Variants in CBX1 observed in about 807,000 individuals in gnomAD.
CBX1 encodes chromobox 1.
In CBX1, 10 loss-of-function variants were observed where a neutral mutation model predicts 25.1. That is an observed-to-expected ratio of 0.40 (90% CI 0.25 to 0.68). The LOEUF is 0.68. Among genes scored for constraint, CBX1 ranks in the 30% least tolerant of loss-of-function variants. The pLI is 0.40. For synonymous variants in CBX1, 63 were observed against 79.4 expected (o/e 0.79, Z 1.10); for missense variants, 106 against 218.5 (o/e 0.49, Z 3.25).
At chr17:48,085,989 G>C (rs1224781352) in intron 1 of CBX1, among the ~76,000 whole-genome samples, 1 of 152,124 alleles carries the variant, frequency 6.6e-6, no homozygotes, top group East Asian at 1.9e-4. Context: ...AGAATTGCTT[G>C]AACTCAGGCG....
chr17:48,075,234 G>A (rs1165719495), intron 3 of CBX1, 134 bp from the exon 4 acceptor site: 12 of 628,530 alleles, frequency 1.9e-5, no homozygotes, highest in African/African-American at 3.8e-5. Context: ...TCACTCTGTC[G>A]CCCAGGCTGG....
intron 3 of CBX1, among the ~76,000 whole-genome samples, chr17:48,075,781 G>T (rs537977900): frequency 6.6e-6 from 1 of 152,172 alleles, no homozygotes; most frequent in East Asian, 1.9e-4. Flanking sequence ...CCTTATATCT[G>T]TCCCCAGCAA....
intron 1 of CBX1, chr17:48,095,652 A>G (rs1249193370): frequency 6.6e-6 from 1 of 152,250 alleles, no homozygotes; most frequent in African/African-American, 2.4e-5. Context: ...AATCTGATCC[A>G]TAAGCCCTAA....
intron 1 of CBX1, among the ~76,000 whole-genome samples, chr17:48,084,238 G>A (rs1395121810): frequency 2.3e-5 from 1 of 43,802 alleles, no homozygotes; most frequent in Non-Finnish European, 3.6e-5. Flanking sequence ...TTGAGACGGA[G>A]TCTTGCTCTG....
rs562848750 is a variant in CBX1, at chr17:48,093,805, C to A, written c.-38+7463G>T. Among the ~76,000 whole-genome samples, 54 of 152,264 alleles carry A rather than the reference C, an allele frequency of 3.5e-4. 2 individuals carry two copies. In the South Asian group the frequency reaches 0.011, roughly 32 times the overall value. On this transcript the variant is annotated intron_variant, in intron 1 of 4. Transcript: ENST00000225603. ...ATCCTATGTTTCCTCCATAGCTTTG[C>A]TCATCTATTAAGTATTAAGAAGTGT...
chr17:48,091,086 T>C (rs900591886), intron 1 of CBX1, among the ~76,000 whole-genome samples: 4 of 152,176 alleles, frequency 2.6e-5, no homozygotes, highest in African/African-American at 7.2e-5. Context: ...TCAGCCAAAA[T>C]AAGAAAAGCA....
intron 4 of CBX1, among the ~76,000 whole-genome samples, chr17:48,073,981 AAGC>A (rs1386037447): frequency 6.6e-6 from 1 of 152,166 alleles, no homozygotes; most frequent in Non-Finnish European, 1.5e-5. Flanking sequence ...CCCACCCAAT[AAGC>A]AGCATCTTAA....
chr17:48,096,697 C>T (rs1272968076), intron 1 of CBX1, among the ~76,000 whole-genome samples: 2 of 152,038 alleles, frequency 1.3e-5, no homozygotes, highest in Non-Finnish European at 2.9e-5. Flanking sequence ...ATCACTTGAA[C>T]CCGGGAGGTG....
At chr17:48,096,081 T>C (rs2063373647) in intron 1 of CBX1, among the ~76,000 whole-genome samples, 2 of 152,138 alleles carry the variant, frequency 1.3e-5, no homozygotes, top group Non-Finnish European at 2.9e-5. Context: ...AGTTTCTCCA[T>C]GTTGGTCAGG....
chr17:48,088,610 C>T (rs967668265), intron 1 of CBX1: 13 of 151,966 alleles, frequency 8.6e-5, no homozygotes, highest in African/African-American at 3.1e-4. Flanking sequence ...CAAAGCGAGA[C>T]TCCATCTCAA....
intron 1 of CBX1, among the ~76,000 whole-genome samples, chr17:48,088,968 T>G (rs1186973717): frequency 1.3e-5 from 2 of 152,102 alleles, no homozygotes; most frequent in Non-Finnish European, 2.9e-5. Flanking sequence ...ACAGCAAGAC[T>G]GTCTCAATAA....
rs537142921 is a variant in CBX1, at chr17:48,087,008, T to A, written c.-37-9967A>T. ...ATCAAGACCATCCTGGCTAACATGG[T>A]GAAACCCCATCTCTACTAAAAATAC... On this transcript the variant is annotated intron_variant, in intron 1 of 4. Coordinates refer to ENST00000225603, the MANE Select transcript of CBX1 (RefSeq NM_001127228.2). 4.7e-3 allele frequency among the ~76,000 whole-genome samples: 706 copies of A among 151,112 alleles called. 2 individuals are homozygous for A. Among genetic ancestry groups the A allele is most frequent in the Non-Finnish European group, 8.0e-3 (545 of 67,850 alleles).
intron 1 of CBX1, among the ~76,000 whole-genome samples, chr17:48,096,934 G>T (rs1337300693): frequency 6.6e-6 from 1 of 151,868 alleles, no homozygotes; most frequent in Non-Finnish European, 1.5e-5. Context: ...CTCTATTTAT[G>T]TGAGAAAAAT....
At chr17:48,086,939 C>T (rs2063315189) in intron 1 of CBX1, among the ~76,000 whole-genome samples, 1 of 152,090 alleles carries the variant, frequency 6.6e-6, no homozygotes, top group Admixed American at 6.6e-5. Flanking sequence ...CCTGTAATTC[C>T]AGCACTTTGG....
At chr17:48,078,032 G>A (rs992194331) in intron 1 of CBX1, among the ~76,000 whole-genome samples, 2 of 151,610 alleles carry the variant, frequency 1.3e-5, no homozygotes, top group African/African-American at 2.4e-5. Context: ...AAGATCGCAC[G>A]ACTGTACTCC....
At chr17:48,099,217 C>T (rs528884401) in intron 1 of CBX1, among the ~76,000 whole-genome samples, 2 of 152,290 alleles carry the variant, frequency 1.3e-5, no homozygotes, top group South Asian at 4.1e-4. Context: ...ATTCTCCTGC[C>T]TCAGCCTCCC....
intron 1 of CBX1, among the ~76,000 whole-genome samples, chr17:48,084,202 C>CTTTT (rs869263376): frequency 2.1e-4 from 13 of 61,320 alleles, no homozygotes; most frequent in East Asian, 7.8e-4. Context: ...TCTTTCTTTC[C>CTTTT]TTTTTTTTTT....
At chr17:48,100,280 C>G (rs1723774451) in intron 1 of CBX1, among the ~76,000 whole-genome samples, 1 of 152,130 alleles carries the variant, frequency 6.6e-6, no homozygotes, top group African/African-American at 2.4e-5. Flanking sequence ...CCCAATTTCT[C>G]GCACCTCACA....
At chr17:48,097,893 C>G (rs2063384040) in intron 1 of CBX1, among the ~76,000 whole-genome samples, 1 of 152,084 alleles carries the variant, frequency 6.6e-6, no homozygotes, top group Admixed American at 6.6e-5. Flanking sequence ...TTGCTCAGGT[C>G]AATACAAAGG....
Sources: allele counts gnomAD v4.1 joint callset (sites outside exome capture counted in the v4.1 genomes callset), GRCh38; gene constraint gnomAD v4.1.1; transcripts MANE v1.5; gene names NCBI Gene and HGNC (gene_info 2026-07-23, HGNC 2026-07-21).